HAPLN1: variants seen among roughly 807,000 people sequenced by gnomAD.
HAPLN1 encodes the protein Cartilage link protein.
HAPLN1 carries 13 observed loss-of-function variants against 36.5 expected under a neutral mutation model. That is an observed-to-expected ratio of 0.36 (90% CI 0.23 to 0.57). The LOEUF is 0.57. Ranked by LOEUF, HAPLN1 falls within the 20% of genes least tolerant of loss-of-function variation. The pLI, the probability that HAPLN1 is intolerant of heterozygous loss-of-function variation, is 0.83. For synonymous variants in HAPLN1, 202 were observed against 169.8 expected (o/e 1.19, Z -1.48); for missense variants, 407 against 439.7 (o/e 0.93, Z 0.66).
Position 83,656,830 on chromosome 5 carries a change from T to C in HAPLN1, c.101-4006A>G, listed in dbSNP as rs146634299. Reference sequence around the variant, plus strand: ...TGCTGTGAAATCCAGAGGACATCATTTAGTTTCACCAAATAATAAAAGCAA... The same window carrying C: ...TGCTGTGAAATCCAGAGGACATCATCTAGTTTCACCAAATAATAAAAGCAA... On this transcript the variant is annotated intron_variant, in intron 2 of 4. Coordinates refer to ENST00000274341, the MANE Select transcript of HAPLN1 (RefSeq NM_001884.4). Among the ~76,000 whole-genome samples the C allele has an allele frequency of 4.1e-4, 62 of 152,236 alleles. No individual in the cohort carries two copies. The East Asian group carries it at 0.011, about 27-fold the overall frequency.
At position 83,641,563 on chromosome 5, in the gene HAPLN1, C is replaced by G. The variant is rs770850928; in HGVS notation, c.998G>C (p.Arg333Pro). 7.4e-6 allele frequency: 12 copies of G among 1,614,124 alleles called. No homozygotes were observed. The East Asian group carries it at 1.3e-4, about 18-fold the overall frequency. The change falls in exon 5 of 5, where the codon CGC becomes CCC. Residue 333 changes from arginine to proline, a missense_variant. Coordinates refer to ENST00000274341, the MANE Select transcript of HAPLN1 (RefSeq NM_001884.4). ...CTTTTTATCTGGGAAACCCACGAAG[C>G]GCACTGCAGCCTCAGTAGGACTGCA... is the stretch of plus-strand genomic sequence containing the variant. ...RRCSPTEAAV[R>P]FVGFPDKKHK... is the part of the protein sequence containing the mutation.
chr5:83,702,488 G>C (rs1751530979), intron 1 of HAPLN1, among the ~76,000 whole-genome samples: 1 of 152,102 alleles, frequency 6.6e-6, no homozygotes. Flanking sequence ...ATTTATCTCA[G>C]CACAGCATCT....
intron 2 of HAPLN1, among the ~76,000 whole-genome samples, chr5:83,665,178 AG>A (rs1413807095): frequency 6.6e-6 from 1 of 152,222 alleles, no homozygotes; most frequent in Non-Finnish European, 1.5e-5. Context: ...GAAACCAAAA[AG>A]AAAAAAAAAG....
rs1016662307 is a variant in HAPLN1 at position 83,641,621 on chromosome 5, C to T, written c.940G>A (p.Val314Ile). Residue 314 changes from valine to isoleucine, a missense_variant, in exon 5 of 5, where the codon GTC (valine) becomes ATC (isoleucine). Val to Ile is a conservative substitution (Grantham distance 29). Transcript: ENST00000274341. Reference sequence around the variant, plus strand: ...CTTGGCCTAGAGATGGGGTAGCGGACGCTGCCATCCGCCAACCAGCCCGCA... The same window carrying T: ...CTTGGCCTAGAGATGGGGTAGCGGATGCTGCCATCCGCCAACCAGCCCGCA... Reference protein sequence around the residue: ...CDAGWLADGSVRYPISRPRRR... With the variant: ...CDAGWLADGSIRYPISRPRRR... 1.2e-6 allele frequency: 2 copies of T among 1,614,146 alleles called. No individual in the cohort carries two copies. The highest frequency in any genetic ancestry group is 1.7e-6 in the Non-Finnish European group (2 of 1,180,044).
At chr5:83,652,898 A>G (rs1184160751) in intron 2 of HAPLN1, 74 bp from the exon 3 acceptor site, 1 of 1,314,302 alleles carries the variant, frequency 7.6e-7, no homozygotes, top group South Asian at 1.6e-5. Flanking sequence ...AATGAAATAT[A>G]TCACATATAT....
intron 4 of HAPLN1, among the ~76,000 whole-genome samples, chr5:83,643,048 G>C (rs79976506): frequency 0.023 from 3,433 of 152,212 alleles, 52 homozygotes; most frequent in South Asian, 0.044. Context: ...TGTCGGCCAG[G>C]CACAGCGGCT....
chr5:83,687,126 T>C (rs6894022), intron 1 of HAPLN1, among the ~76,000 whole-genome samples: 96,543 of 151,942 alleles, frequency 0.64, 31,316 homozygotes, highest in East Asian at 0.83. Context: ...AAACCTCTCC[T>C]CAAAATCCAC....
chr5:83,694,119 G>T (rs1751338998), intron 1 of HAPLN1, among the ~76,000 whole-genome samples: 1 of 151,666 alleles, frequency 6.6e-6, no homozygotes, highest in Admixed American at 6.6e-5. Flanking sequence ...ATAGAATTAA[G>T]GTAGAAATCA....
chr5:83,715,596 A>T (rs1216913527), intron 1 of HAPLN1, among the ~76,000 whole-genome samples: 1 of 152,226 alleles, frequency 6.6e-6, no homozygotes, highest in East Asian at 1.9e-4. Context: ...TTCTTGCTTA[A>T]TCTGAACTTT....
In HAPLN1 at chr5:83,652,817, A is replaced by G. The variant is rs768137611; in HGVS notation, c.108T>C (p.Asn36=). 1.3e-6 allele frequency: 2 copies of G among 1,568,842 alleles called. No homozygotes were observed. The highest frequency in any genetic ancestry group is 1.7e-6 in the Non-Finnish European group (2 of 1,158,608). ...CTGCTTCCACAAGTAGATGGGGGCC[A>G]TTTTCTGCTATAATTAAAAAGGAAA... The part of the protein sequence containing the change: ...HDRAIHIQAE[N]GPHLLVEAEQ... The change falls in exon 3 of 5, where the codon AAT becomes AAC. Residue 36 remains asparagine (N), a synonymous_variant. Transcript: ENST00000274341.
At chr5:83,711,677 C>A (rs1345488189) in intron 1 of HAPLN1, among the ~76,000 whole-genome samples, 1 of 152,092 alleles carries the variant, frequency 6.6e-6, no homozygotes, top group African/African-American at 2.4e-5. Flanking sequence ...TGTAAGTGAC[C>A]AGTTTCCTTG....
At chr5:83,705,387 C>CAAAAAAAA (rs762927081) in intron 1 of HAPLN1, among the ~76,000 whole-genome samples, 225 of 85,276 alleles carry the variant, frequency 2.6e-3, no homozygotes, top group Middle Eastern at 0.018. Flanking sequence ...TGAAACGTCA[C>CAAAAAAAA]AAAAAAAAAA....
rs1561313426 is a variant in HAPLN1, at chr5:83,677,237, GA to G, written c.-26-3689del. ...TTGTTAGACACATTTTACAGCTCTA[GA>G]AGTGGAGTCTTAGGGTGGTGAGGTA... On this transcript the variant is annotated intron_variant, in intron 1 of 4. Transcript: ENST00000274341. Among the ~76,000 whole-genome samples the G allele has an allele frequency of 5.9e-5, 9 of 152,284 alleles. No homozygotes were observed. In the South Asian group the frequency reaches 1.7e-3, roughly 28 times the overall value.
chr5:83,719,241 T>C (rs1255185929), intron 1 of HAPLN1, among the ~76,000 whole-genome samples: 1 of 152,204 alleles, frequency 6.6e-6, no homozygotes, highest in Non-Finnish European at 1.5e-5. Context: ...TTCCCCACCT[T>C]CTTGTTTCTC....
chr5:83,697,436 T>C (rs1751414309), intron 1 of HAPLN1, among the ~76,000 whole-genome samples: 2 of 152,198 alleles, frequency 1.3e-5, no homozygotes, highest in Non-Finnish European at 2.9e-5. Flanking sequence ...ATTTATCTGT[T>C]CATCAGTTGA....
chr5:83,657,097 C>CTT (rs1238077382), intron 2 of HAPLN1, among the ~76,000 whole-genome samples: 2 of 138,518 alleles, frequency 1.4e-5, no homozygotes, highest in South Asian at 2.3e-4. Flanking sequence ...TTTTGGTTTT[C>CTT]TTTTTTTTTT....
chr5:83,703,033 T>G (rs1445714894), intron 1 of HAPLN1, among the ~76,000 whole-genome samples: 1 of 152,176 alleles, frequency 6.6e-6, no homozygotes, highest in Non-Finnish European at 1.5e-5. Flanking sequence ...TCTTATGCCA[T>G]GCCTGGGTGT....
At chr5:83,707,658 C>A (rs1350206345) in intron 1 of HAPLN1, among the ~76,000 whole-genome samples, 5 of 152,106 alleles carry the variant, frequency 3.3e-5, no homozygotes, top group Non-Finnish European at 1.5e-5. Flanking sequence ...CAATACCATC[C>A]TGGAAACAGG....
intron 1 of HAPLN1, among the ~76,000 whole-genome samples, chr5:83,677,859 A>C (rs550453716): frequency 4.7e-4 from 71 of 152,222 alleles, no homozygotes; most frequent in Non-Finnish European, 9.0e-4. Context: ...TCTCCATCTC[A>C]GAGACAGATA....
Sources: allele counts gnomAD v4.1 joint callset (sites outside exome capture counted in the v4.1 genomes callset), GRCh38; gene constraint gnomAD v4.1.1; transcripts MANE v1.5; gene names NCBI Gene and HGNC (gene_info 2026-07-23, HGNC 2026-07-21).